PDE3B: variants seen among roughly 807,000 people sequenced by gnomAD.
PDE3B encodes the protein cGMP-inhibited 3',5'-cyclic phosphodiesterase 3B.
In PDE3B, 66 loss-of-function variants were observed where a neutral mutation model predicts 116.8. That is an observed-to-expected ratio of 0.56 (90% CI 0.46 to 0.69). The LOEUF is 0.69. Ranked by LOEUF, PDE3B falls within the 30% of genes least tolerant of loss-of-function variation. The probability of loss-of-function intolerance (pLI) is 0.00; values close to 1 mark genes in which losing one functional copy is unlikely to be tolerated. For missense variants in PDE3B, 1,384 were observed against 1,368.1 expected (o/e 1.01, Z -0.18); for synonymous variants, 595 against 533.6 (o/e 1.12, Z -1.59).
intron 11 of PDE3B, among the ~76,000 whole-genome samples, chr11:14,837,921 A>C (rs538230998): frequency 6.6e-6 from 1 of 152,306 alleles, no homozygotes; most frequent in East Asian, 1.9e-4. Context: ...ATGGTTGGAG[A>C]ACCAGGTAGC....
chr11:14,857,370 C>T (rs1847870970), intron 12 of PDE3B, among the ~76,000 whole-genome samples: 1 of 152,216 alleles, frequency 6.6e-6, no homozygotes, highest in African/African-American at 2.4e-5. Flanking sequence ...GTCTGCTGCT[C>T]TGTGTGCTAC....
At chr11:14,883,437 G>T in the PDE3B span, among the ~76,000 whole-genome samples, 1 of 152,224 alleles carries the variant, frequency 6.6e-6, no homozygotes, top group Admixed American at 6.5e-5. Flanking sequence ...ATGGGGAAAA[G>T]ATTCCCTATT....
chr11:14,757,755 C>T (rs1365737330), intron 1 of PDE3B, among the ~76,000 whole-genome samples: 1 of 150,144 alleles, frequency 6.7e-6, no homozygotes, highest in Non-Finnish European at 1.5e-5. Flanking sequence ...TTGTAGGGTG[C>T]CTGTTCACTC....
chr11:14,651,360 C>A (rs1421069969), intron 1 of PDE3B, among the ~76,000 whole-genome samples: 1 of 152,122 alleles, frequency 6.6e-6, no homozygotes, highest in Non-Finnish European at 1.5e-5. Flanking sequence ...CCCGTAGAGA[C>A]CTTATTTCCT....
chr11:14,691,443 T>C (rs1855039274), intron 1 of PDE3B, among the ~76,000 whole-genome samples: 2 of 152,212 alleles, frequency 1.3e-5, no homozygotes, highest in African/African-American at 4.8e-5. Flanking sequence ...TCAAGTATTT[T>C]GCTAGTAAGT....
intron 1 of PDE3B, among the ~76,000 whole-genome samples, chr11:14,745,752 C>T (rs570193158): frequency 6.6e-6 from 1 of 152,110 alleles, no homozygotes; most frequent in East Asian, 1.9e-4. Context: ...TGCCTGTGCC[C>T]ATCTAAAGTA....
chr11:14,687,898 A>G lies in PDE3B; in HGVS notation c.978+42845A>G, dbSNP rs766748181. ...TTAGGAATTTGCTCATCAACATACA[A>G]TTTCTTTTTTTGAATAATCAAAATA... On this transcript the variant is annotated intron_variant, in intron 1 of 15. Coordinates refer to ENST00000282096, the MANE Select transcript of PDE3B (RefSeq NM_000922.4). 4.7e-4 allele frequency among the ~76,000 whole-genome samples: 71 copies of G among 152,106 alleles called. 1 individual carries two copies. Among genetic ancestry groups the G allele is most frequent in the Non-Finnish European group, 7.2e-4 (49 of 68,018 alleles).
At chr11:14,896,083 T>C in the PDE3B span, among the ~76,000 whole-genome samples, 1 of 152,228 alleles carries the variant, frequency 6.6e-6, no homozygotes, top group Non-Finnish European at 1.5e-5. Flanking sequence ...ATTCCTGCCA[T>C]TTCCTAGGGA....
chr11:14,741,548 C>A (rs1316179792), intron 1 of PDE3B, among the ~76,000 whole-genome samples: 1 of 152,032 alleles, frequency 6.6e-6, no homozygotes, highest in Non-Finnish European at 1.5e-5. Context: ...ATTCAATTTG[C>A]CAGTCCATGT....
In PDE3B at chr11:14,742,357, T is replaced by C. The variant is rs191865342; in HGVS notation, c.979-29580T>C. ...TTGATCTTCAATCTCTGATATCCTT[T>C]CTTCCACTTGATGAGTTCAGCTATC... On this transcript the variant is annotated intron_variant, in intron 1 of 15. Coordinates refer to ENST00000282096, the MANE Select transcript of PDE3B (RefSeq NM_000922.4). Among the ~76,000 whole-genome samples the C allele has an allele frequency of 2.2e-4, 34 of 152,338 alleles. 1 individual carries two copies. In the East Asian group the frequency reaches 6.2e-3, roughly 28 times the overall value.
intron 1 of PDE3B, among the ~76,000 whole-genome samples, chr11:14,742,145 G>A (rs1856793001): frequency 6.6e-6 from 1 of 151,878 alleles, no homozygotes; most frequent in South Asian, 2.1e-4. Flanking sequence ...TGCCTTATTA[G>A]GTTCAGGAAG....
intron 1 of PDE3B, among the ~76,000 whole-genome samples, chr11:14,672,653 T>TA (rs1347716201): frequency 2.0e-5 from 3 of 152,190 alleles, no homozygotes; most frequent in African/African-American, 7.2e-5. Context: ...CCTTCCTTTA[T>TA]GTTGCTCTGC....
chr11:14,880,947 G>C, the PDE3B span, among the ~76,000 whole-genome samples: 1 of 151,990 alleles, frequency 6.6e-6, no homozygotes, highest in East Asian at 1.9e-4. Flanking sequence ...AACAGATAAA[G>C]TTTTTCTACT....
intron 1 of PDE3B, among the ~76,000 whole-genome samples, chr11:14,688,136 T>TCTCTCTCTCC (rs1554981846): frequency 4.4e-5 from 6 of 136,864 alleles, no homozygotes; most frequent in African/African-American, 1.6e-4. Context: ...TCTCTCTCTC[T>TCTCTCTCTCC]CTCTCTCCCT....
intron 1 of PDE3B, among the ~76,000 whole-genome samples, chr11:14,754,439 A>G (rs1237524872): frequency 6.6e-5 from 10 of 152,180 alleles, no homozygotes; most frequent in South Asian, 4.1e-4. Flanking sequence ...TGATGTCTCA[A>G]TAACCTGAGT....
chr11:14,660,900 C>T (rs1853881925), intron 1 of PDE3B, among the ~76,000 whole-genome samples: 1 of 151,966 alleles, frequency 6.6e-6, no homozygotes, highest in Non-Finnish European at 1.5e-5. Context: ...ATTTATGCAG[C>T]CAAAAAACAC....
chr11:14,684,914 GT>G (rs910869506), intron 1 of PDE3B, among the ~76,000 whole-genome samples: 15 of 149,796 alleles, frequency 1.0e-4, no homozygotes, highest in African/African-American at 3.7e-4. Context: ...CTGTTACTCT[GT>G]TTTTTTTTCA....
At chr11:14,804,072 C>T (rs762680390) in intron 5 of PDE3B, 22 bp downstream of exon 5, 2 of 1,289,192 alleles carry the variant, frequency 1.6e-6, no homozygotes, top group South Asian at 2.4e-5. Context: ...TTCTTTATGA[C>T]TCAAATATGG....
At chr11:14,893,925 T>TG in the PDE3B span, among the ~76,000 whole-genome samples, 1 of 152,144 alleles carries the variant, frequency 6.6e-6, no homozygotes, top group Non-Finnish European at 1.5e-5. Flanking sequence ...GAGGCAGATA[T>TG]GGGGGAAAAT....
Sources: gnomAD v4.1 joint callset for allele counts (sites outside exome capture counted in the v4.1 genomes callset) on GRCh38, gnomAD v4.1.1 for gene constraint, MANE v1.5 for transcripts, NCBI Gene and HGNC (gene_info 2026-07-23, HGNC 2026-07-21) for gene names.